Variants in NAT8L observed in about 807,000 individuals in gnomAD.
NAT8L encodes the protein N-acetylaspartate synthetase.
A neutral mutation model predicts 21.2 loss-of-function variants in NAT8L; 6 were observed. The observed-to-expected ratio is 0.28, with a 90% CI of 0.16 to 0.56. The LOEUF (loss-of-function observed/expected upper bound fraction) is 0.56, where lower values mean the gene tolerates loss of function less well. Ranked by LOEUF, NAT8L falls within the 20% of genes least tolerant of loss-of-function variation. The probability of loss-of-function intolerance (pLI) is 0.93; values close to 1 mark genes in which losing one functional copy is unlikely to be tolerated. For missense variants in NAT8L, 331 were observed against 433.3 expected (o/e 0.76, Z 2.10); for synonymous variants, 239 against 204.9 (o/e 1.17, Z -1.42).
intron 2 of NAT8L, among the ~76,000 whole-genome samples, chr4:2,063,065 G>C (rs1322306380): frequency 6.6e-6 from 1 of 152,256 alleles, no homozygotes; most frequent in African/African-American, 2.4e-5. Flanking sequence ...GAATTGGGCC[G>C]TGCTGTGGAT....
intron 2 of NAT8L, among the ~76,000 whole-genome samples, chr4:2,062,139 C>T (rs1161407305): frequency 6.6e-6 from 1 of 152,210 alleles, no homozygotes; most frequent in African/African-American, 2.4e-5. Flanking sequence ...GGCCCTGCTC[C>T]CTCTGGGCCG....
Position 2,064,269 on chromosome 4 carries a change from C to A in NAT8L, c.*142C>A. The A allele has an allele frequency of 2.0e-6, 1 of 506,136 alleles. No individual in the cohort carries two copies. The highest frequency in any genetic ancestry group is 2.8e-6 in the Non-Finnish European group (1 of 358,774). 31.4% of individuals were successfully genotyped at this position (506,136 alleles called of 1,614,324 possible). On this transcript the variant is annotated 3_prime_UTR_variant, in exon 3 of 3. Transcript: ENST00000423729. ...TTTTCAACATCCTGCGGTTGTCTGG[C>A]TGGTTCCGGGGGGTGCGGGGCTGTT...
intron 2 of NAT8L, among the ~76,000 whole-genome samples, chr4:2,063,285 G>A (rs1729927931): frequency 6.6e-6 from 1 of 152,268 alleles, no homozygotes; most frequent in African/African-American, 2.4e-5. Flanking sequence ...GTGGCCAGAA[G>A]CCACAGCAGT....
chr4:2,064,341 C>T lies in NAT8L; in HGVS notation c.*214C>T, dbSNP rs1729952744. 4.3e-6 allele frequency: 1 copy of T among 234,006 alleles called. No homozygotes were observed. Among genetic ancestry groups the T allele is most frequent in the African/African-American group, 2.3e-5 (1 of 42,834 alleles). 14.5% of individuals were successfully genotyped at this position (234,006 alleles called of 1,614,324 possible). On this transcript the variant is annotated 3_prime_UTR_variant, in exon 3 of 3. Transcript: ENST00000423729. ...GGGGGTGGGTTGTTTGTCGCCATAG[C>T]CCCTCGCCCTTCCCCACCTGCCTGG...
In NAT8L at chr4:2,060,155, TC is replaced by T. The variant is rs1729825430; in HGVS notation, c.376+271del. ...CACCCCCACCGCCTCCCCTGTCCCCTCCCGGGCATCCTGGGTGGGGGCGGGT... is the reference window on the plus strand; with the variant it reads ...CACCCCCACCGCCTCCCCTGTCCCCTCCGGGCATCCTGGGTGGGGGCGGGT... On this transcript the variant is annotated intron_variant, in intron 1 of 2. Transcript: ENST00000423729. This position sits in a 1 kb window ranked among gnomAD's most constrained non-coding sequence, Gnocchi z 4.7. 6.6e-6 allele frequency among the ~76,000 whole-genome samples: 1 copy of T among 151,794 alleles called. No individual in the cohort carries two copies. Among genetic ancestry groups the T allele is most frequent in the African/African-American group, 2.4e-5 (1 of 41,352 alleles).
In NAT8L at chr4:2,066,544, T is replaced by G. The variant is rs2108682033; in HGVS notation, c.*2417T>G. On this transcript the variant is annotated 3_prime_UTR_variant, in exon 3 of 3. Coordinates refer to ENST00000423729, the MANE Select transcript of NAT8L (RefSeq NM_178557.4). ...TCCTCCCCCGGGGCTGGAGGCCGGG[T>G]GCCTGGTGGGTGGGCCTGACCTGGC... 1 of 152,250 alleles carries G rather than the reference T, an allele frequency of 6.6e-6. No homozygotes were observed. 9.4% of individuals were successfully genotyped at this position (152,250 alleles called of 1,614,324 possible). A position where few individuals can be genotyped will look rare whatever the true frequency, so the allele number is the denominator to read the frequency against.
Position 2,060,760 on chromosome 4 carries a change from C to G in NAT8L, c.377-238C>G, listed in dbSNP as rs1184488348. 2.0e-5 allele frequency among the ~76,000 whole-genome samples: 3 copies of G among 151,872 alleles called. No individual in the cohort carries two copies. Among genetic ancestry groups the G allele is most frequent in the Non-Finnish European group, 2.9e-5 (2 of 67,948 alleles). ...CCCGGCCATCCCGAGGGTGTCCTGC[C>G]GTGTTTGGAAGCTCAGAGACCCGCC... On this transcript the variant is annotated intron_variant, in intron 1 of 2. Coordinates refer to ENST00000423729, the MANE Select transcript of NAT8L (RefSeq NM_178557.4). This position sits in a 1 kb window ranked among gnomAD's most constrained non-coding sequence, Gnocchi z 4.7.
Position 2,059,397 on chromosome 4 carries a change from TGCCGCC to T in NAT8L, c.-97_-92del, listed in dbSNP as rs892906399. On this transcript the variant is annotated 5_prime_UTR_variant, in exon 1 of 3. Coordinates refer to ENST00000423729, the MANE Select transcript of NAT8L (RefSeq NM_178557.4). The surrounding 1 kb of genome is among the most constrained non-coding windows in gnomAD (Gnocchi z 4.8). ...GAGCTGCCGCCGCCGCCGCCGCCGC[TGCCGCC>T]GCCGCCGCCGCCGCCGCGGGTCCGA... 35 of 237,230 alleles carry T rather than the reference TGCCGCC, an allele frequency of 1.5e-4. No individual in the cohort carries two copies. The highest frequency in any genetic ancestry group is 8.1e-4 in the East Asian group (4 of 4,920). 14.7% of individuals were successfully genotyped at this position (237,230 alleles called of 1,614,324 possible). A position where few individuals can be genotyped will look rare whatever the true frequency, so the allele number is the denominator to read the frequency against.
Position 2,064,318 on chromosome 4 carries a change from G to A in NAT8L, c.*191G>A. 3.6e-6 allele frequency: 1 copy of A among 275,570 alleles called. No individual in the cohort carries two copies. Among genetic ancestry groups the A allele is most frequent in the African/African-American group, 2.3e-5 (1 of 43,650 alleles). The allele number at this position is 275,570 out of a possible 1,614,324, so 17.1% of individuals were successfully genotyped here. ...TTGTTCTTCGGCGACACTTTGGTGGGGGTGGGTTGTTTGTCGCCATAGCCC... is the reference window on the plus strand; with the variant it reads ...TTGTTCTTCGGCGACACTTTGGTGGAGGTGGGTTGTTTGTCGCCATAGCCC... On this transcript the variant is annotated 3_prime_UTR_variant, in exon 3 of 3. Coordinates refer to ENST00000423729, the MANE Select transcript of NAT8L (RefSeq NM_178557.4).
chr4:2,063,014 C>G (rs748578374), intron 2 of NAT8L, among the ~76,000 whole-genome samples: 3 of 152,226 alleles, frequency 2.0e-5, no homozygotes, highest in African/African-American at 2.4e-5. Flanking sequence ...TCCCCTCCCC[C>G]ACGACCGCCA....
intron 2 of NAT8L, among the ~76,000 whole-genome samples, chr4:2,063,509 G>C (rs770755379): frequency 1.3e-5 from 2 of 152,240 alleles, no homozygotes; most frequent in Non-Finnish European, 2.9e-5. Context: ...CAGGTGTTGG[G>C]CTGGCTTTCT....
Position 2,064,193 on chromosome 4 carries a change from C to A in NAT8L, c.*66C>A. On this transcript the variant is annotated 3_prime_UTR_variant, in exon 3 of 3. Transcript: ENST00000423729. ...CGCCTTTGCCCGCCTGCCCGCCGCC[C>A]GGCGCGGCCTGCTTTCAGACGCTCA... 1 of 1,112,354 alleles carries A rather than the reference C, an allele frequency of 9.0e-7. No homozygotes were observed. Among genetic ancestry groups the A allele is most frequent in the Non-Finnish European group, 1.1e-6 (1 of 895,202 alleles). The allele number at this position is 1,112,354 out of a possible 1,614,324, so 68.9% of individuals were successfully genotyped here. A position where few individuals can be genotyped will look rare whatever the true frequency, so the allele number is the denominator to read the frequency against.
chr4:2,061,905 G>A lies in NAT8L; in HGVS notation c.541+743G>A, dbSNP rs375736460. 9.2e-5 allele frequency among the ~76,000 whole-genome samples: 14 copies of A among 152,240 alleles called. No individual in the cohort carries two copies. The East Asian group carries it at 1.7e-3, about 19-fold the overall frequency. ...GTTGGGCAGGGTCTGTCAGGAGCCC[G>A]GTCAGTGTCAGGGGAGGGGCAGTGT... is the stretch of plus-strand genomic sequence containing the variant. On this transcript the variant is annotated intron_variant, in intron 2 of 2. Transcript: ENST00000423729.
At chr4:2,062,179 G>T (rs143316896) in intron 2 of NAT8L, among the ~76,000 whole-genome samples, 5 of 152,184 alleles carry the variant, frequency 3.3e-5, no homozygotes, top group Non-Finnish European at 7.4e-5. Context: ...GAGTGGAGGG[G>T]TAGCTGGCAG....
rs759652230 is a variant in NAT8L at position 2,067,204 on chromosome 4, C to G, written c.*3077C>G. On this transcript the variant is annotated 3_prime_UTR_variant, in exon 3 of 3. Transcript: ENST00000423729. ...GAGCCCCGCAGCCGTGGCGGCATCT[C>G]CTCCTCCTTCCTCCGCCCCATGCCC... is the stretch of plus-strand genomic sequence containing the variant. 6.6e-6 allele frequency: 1 copy of G among 152,504 alleles called. No homozygotes were observed. Among genetic ancestry groups the G allele is most frequent in the Non-Finnish European group, 1.5e-5 (1 of 68,140 alleles). The allele number at this position is 152,504 out of a possible 1,614,324, so 9.4% of individuals were successfully genotyped here.
At chr4:2,063,326 C>T (rs1729928503) in intron 2 of NAT8L, among the ~76,000 whole-genome samples, 1 of 152,244 alleles carries the variant, frequency 6.6e-6, no homozygotes, top group African/African-American at 2.4e-5. Flanking sequence ...TCAGGGTGGC[C>T]CGGGCCATCA....
chr4:2,067,714 C>A lies in NAT8L; in HGVS notation c.*3587C>A, dbSNP rs1183531350. On this transcript the variant is annotated 3_prime_UTR_variant, in exon 3 of 3. Transcript: ENST00000423729. ...GGCTGTGTGGGCCCTCGTGGGGCCA[C>A]CTTCCTGTCAGTGCCCGAGGGACGG... 8 of 152,288 alleles carry A rather than the reference C, an allele frequency of 5.3e-5. No individual in the cohort carries two copies. The highest frequency in any genetic ancestry group is 5.2e-4 in the Admixed American group (8 of 15,294). The allele number at this position is 152,288 out of a possible 1,614,324, so 9.4% of individuals were successfully genotyped here.
Position 2,068,609 on chromosome 4 carries a change from A to G in NAT8L, c.*4482A>G, listed in dbSNP as rs878987836. 1 of 152,142 alleles carries G rather than the reference A, an allele frequency of 6.6e-6. No individual in the cohort carries two copies. Among genetic ancestry groups the G allele is most frequent in the South Asian group, 2.1e-4 (1 of 4,832 alleles). 9.4% of individuals were successfully genotyped at this position (152,142 alleles called of 1,614,324 possible). ...GGATGCATATGTGAGCTGTACATGT[A>G]GAGTGTACATGTGTGTTGCATGAGC... is the stretch of plus-strand genomic sequence containing the variant. On this transcript the variant is annotated 3_prime_UTR_variant, in exon 3 of 3. Coordinates refer to ENST00000423729, the MANE Select transcript of NAT8L (RefSeq NM_178557.4).
intron 2 of NAT8L, 105 bp from the exon 3 acceptor site, chr4:2,063,655 G>A (rs1013063345): frequency 6.3e-6 from 10 of 1,588,340 alleles, no homozygotes; most frequent in Middle Eastern, 2.2e-4. Context: ...CTGGCTTGGT[G>A]TCCAGCTGGA....
Sources: allele counts gnomAD v4.1 joint callset (sites outside exome capture counted in the v4.1 genomes callset), GRCh38; gene constraint gnomAD v4.1.1; non-coding constraint Gnocchi (gnomAD v3.1); transcripts MANE v1.5; gene names NCBI Gene and HGNC (gene_info 2026-07-23, HGNC 2026-07-21).